Variants in AGBL1 observed in about 807,000 individuals in gnomAD.
AGBL1 encodes cytosolic carboxypeptidase 4.
A neutral mutation model predicts 118.9 loss-of-function variants in AGBL1; 130 were observed. The observed-to-expected ratio is 1.09, with a 90% CI of 0.95 to 1.26. AGBL1 has a LOEUF of 1.26. AGBL1 is among the 50% of genes most tolerant of loss of function. The pLI, the probability that AGBL1 is intolerant of heterozygous loss-of-function variation, is 0.00. For missense variants in AGBL1, 1,584 were observed against 1,298.1 expected, an observed-to-expected ratio of 1.22 and a Z score of -3.38; for synonymous variants, 555 against 478.9, an observed-to-expected ratio of 1.16 and a Z score of -2.08.
At chr15:86,104,222 G>A (rs931641329) in intron 1 of AGBL1, among the ~76,000 whole-genome samples, 3 of 152,170 alleles carry the variant, frequency 2.0e-5, no homozygotes, top group South Asian at 2.1e-4. Context: ...GTGTCCTCTG[G>A]CCCTCTGGTA....
At chr15:86,569,148 G>A (rs1371871820) in intron 21 of AGBL1, among the ~76,000 whole-genome samples, 6 of 152,062 alleles carry the variant, frequency 3.9e-5, no homozygotes, top group Admixed American at 3.3e-4. Flanking sequence ...AAATCCAGAT[G>A]CTGCTGGGCG....
rs1299981588 is a variant in AGBL1 at position 86,998,882 on chromosome 15, C to CT, written c.3323+10797dup. Among the ~76,000 whole-genome samples the CT allele has an allele frequency of 4.1e-3, 621 of 150,516 alleles. 4 individuals carry two copies. The highest frequency in any genetic ancestry group is 0.015 in the African/African-American group (598 of 40,738). On this transcript the variant is annotated intron_variant, in intron 24 of 24. Coordinates refer to the AGBL1 transcript ENST00000441037. ...ATATATATATATATTTTTTATTATA[C>CT]TTTAAGTTCTAGGGTACATGTGCAC...
chr15:86,143,746 G>A lies in AGBL1; in HGVS notation c.163G>A (p.Ala55Thr). ...CATGATCAGCAAGGGTGGCAGTGAA[G>A]CTCTTCTGCAGACCCTGGTAGACAC... ...HYMISKGGSE[A>T]LLQTLVDTAR... is the part of the protein sequence containing the mutation. The change falls in exon 3 of 23, where the codon GCT becomes ACT. Residue 55 changes from alanine (A) to threonine (T), a missense_variant. Ala to Thr is a moderately conservative substitution (Grantham distance 58, BLOSUM62 0). Transcript: ENST00000614907. 6.2e-7 allele frequency: 1 copy of A among 1,613,902 alleles called. No individual in the cohort carries two copies. The highest frequency in any genetic ancestry group is 8.5e-7 in the Non-Finnish European group (1 of 1,179,812).
chr15:86,983,519 C>A (rs570095907), intron 23 of AGBL1, among the ~76,000 whole-genome samples: 1 of 152,220 alleles, frequency 6.6e-6, no homozygotes, highest in South Asian at 2.1e-4. Context: ...ACTATGTTAA[C>A]CCCTCTTTTG....
downstream of AGBL1, among the ~76,000 whole-genome samples, chr15:86,920,724 C>T (rs1460283827): frequency 6.6e-6 from 1 of 152,094 alleles, no homozygotes; most frequent in Non-Finnish European, 1.5e-5. Flanking sequence ...CATGTGAGGC[C>T]AAAGTATTGA....
intron 22 of AGBL1, among the ~76,000 whole-genome samples, chr15:86,835,833 C>T (rs1259040027): frequency 6.6e-6 from 1 of 152,110 alleles, no homozygotes; most frequent in Non-Finnish European, 1.5e-5. Flanking sequence ...AGAAGCTGGA[C>T]CTGCCATCAT....
chr15:86,393,220 T>G (rs1451873594), intron 17 of AGBL1, among the ~76,000 whole-genome samples: 1 of 152,206 alleles, frequency 6.6e-6, no homozygotes, highest in Non-Finnish European at 1.5e-5. Flanking sequence ...AACTTGACTC[T>G]CCAATGGAAA....
chr15:86,184,607 A>C lies in AGBL1; in HGVS notation c.488+25581A>C, dbSNP rs548293229. On this transcript the variant is annotated intron_variant, in intron 5 of 22. Transcript: ENST00000614907. Reference sequence around the variant, plus strand: ...TCTCCCCGTCACTTTCAGGTACACAAATCAAACGTAGATTTGGTCTTTTCA... The same window carrying C: ...TCTCCCCGTCACTTTCAGGTACACACATCAAACGTAGATTTGGTCTTTTCA... Among the ~76,000 whole-genome samples the C allele has an allele frequency of 2.0e-5, 3 of 152,028 alleles. No individual in the cohort carries two copies. The East Asian group carries it at 5.8e-4, about 29-fold the overall frequency.
At chr15:86,345,456 A>G (rs1278060581) in intron 17 of AGBL1, among the ~76,000 whole-genome samples, 1 of 152,224 alleles carries the variant, frequency 6.6e-6, no homozygotes, top group African/African-American at 2.4e-5. Flanking sequence ...TTTCGTATGA[A>G]CATAGACATT....
At chr15:86,814,137 G>A (rs762731161) in intron 22 of AGBL1, among the ~76,000 whole-genome samples, 8 of 152,178 alleles carry the variant, frequency 5.3e-5, no homozygotes, top group Non-Finnish European at 1.2e-4. Context: ...GAGATGAGCT[G>A]CAAGTGAGCG....
At chr15:86,369,972 C>T (rs1179751161) in intron 17 of AGBL1, among the ~76,000 whole-genome samples, 1 of 152,068 alleles carries the variant, frequency 6.6e-6, no homozygotes, top group Admixed American at 6.5e-5. Flanking sequence ...TAACCATATT[C>T]CGGGTCACAG....
intron 17 of AGBL1, among the ~76,000 whole-genome samples, chr15:86,347,903 A>G (rs2080563106): frequency 6.6e-6 from 1 of 152,216 alleles, no homozygotes; most frequent in Non-Finnish European, 1.5e-5. Context: ...AAAAAATGTA[A>G]TTTTCCTCAA....
chr15:86,373,908 C>A (rs1484192461), intron 17 of AGBL1, among the ~76,000 whole-genome samples: 1 of 152,154 alleles, frequency 6.6e-6, no homozygotes, highest in African/African-American at 2.4e-5. Context: ...GTGTAAAATG[C>A]TAAATACAGG....
chr15:86,766,950 T>C (rs930805088), intron 22 of AGBL1, among the ~76,000 whole-genome samples: 3 of 152,014 alleles, frequency 2.0e-5, no homozygotes, highest in Non-Finnish European at 2.9e-5. Flanking sequence ...AGGGAGGAAC[T>C]ATAGCTCTGA....
intron 18 of AGBL1, among the ~76,000 whole-genome samples, chr15:86,503,610 A>C (rs2082941842): frequency 6.6e-6 from 1 of 151,200 alleles, no homozygotes; most frequent in Admixed American, 6.6e-5. Flanking sequence ...TTTATCCTAT[A>C]AGGTTTGGTA....
chr15:86,943,774 C>T (rs1327140535), intron 23 of AGBL1, among the ~76,000 whole-genome samples: 1 of 152,166 alleles, frequency 6.6e-6, no homozygotes, highest in East Asian at 1.9e-4. Flanking sequence ...GCTTGCTTAT[C>T]TATGCTTGCA....
chr15:86,147,421 T>G (rs1410753190), intron 3 of AGBL1, among the ~76,000 whole-genome samples: 1 of 152,212 alleles, frequency 6.6e-6, no homozygotes, highest in African/African-American at 2.4e-5. Context: ...ATACTGCACT[T>G]TTCCCAAGGT....
At chr15:86,596,711 T>A (rs141378507) in intron 21 of AGBL1, among the ~76,000 whole-genome samples, 1 of 152,306 alleles carries the variant, frequency 6.6e-6, no homozygotes, top group East Asian at 1.9e-4. Context: ...ATAAATATCT[T>A]ACCTTCACCT....
At chr15:86,150,158 G>C (rs929504010) in intron 3 of AGBL1, among the ~76,000 whole-genome samples, 2 of 152,190 alleles carry the variant, frequency 1.3e-5, no homozygotes, top group East Asian at 3.8e-4. Context: ...AGCACTAAAT[G>C]CTCACAAGAG....
Sources: allele counts gnomAD v4.1 joint callset (sites outside exome capture counted in the v4.1 genomes callset), GRCh38; gene constraint gnomAD v4.1.1; transcripts MANE v1.5; gene names NCBI Gene and HGNC (gene_info 2026-07-23, HGNC 2026-07-21).